ITPK1: variants seen among roughly 807,000 people sequenced by gnomAD.
ITPK1 encodes inositol-tetrakisphosphate 1-kinase, also known as inositol 1,3,4-trisphosphate 5/6-kinase.
Under a neutral mutation model 45.3 loss-of-function variants are expected in ITPK1, and 21 were observed. The ratio of observed to expected loss-of-function variants is 0.46; its 90% confidence interval spans 0.33 to 0.67. ITPK1 has a LOEUF of 0.67. Among genes scored for constraint, ITPK1 ranks in the 30% least tolerant of loss-of-function variants. ITPK1 has a pLI of 0.02. For missense variants in ITPK1, 474 were observed against 573.5 expected (o/e 0.83, Z 1.77); for synonymous variants, 258 against 253.6 (o/e 1.02, Z -0.16).
At chr14:93,026,736 A>C (rs1310430567) in intron 3 of ITPK1, among the ~76,000 whole-genome samples, 1 of 152,178 alleles carries the variant, frequency 6.6e-6, no homozygotes, top group Non-Finnish European at 1.5e-5. Context: ...TGAATCACTT[A>C]TGAAGATCCA....
In ITPK1 at chr14:92,977,945, G is replaced by A. The variant is rs140522946; in HGVS notation, c.365-15096C>T. 4.6e-5 allele frequency among the ~76,000 whole-genome samples: 7 copies of A among 152,062 alleles called. 1 individual carries two copies. Among genetic ancestry groups the A allele is most frequent in the Admixed American group, 1.3e-4 (2 of 15,288 alleles). ...GGAAGCAACTTTGGAACTAGATAACGGGCAGAGTTTGGAACAGTTTGGAGG... is the reference window on the plus strand; with the variant it reads ...GGAAGCAACTTTGGAACTAGATAACAGGCAGAGTTTGGAACAGTTTGGAGG... On this transcript the variant is annotated intron_variant, in intron 5 of 10. Transcript: ENST00000267615.
At position 92,958,105 on chromosome 14, in the gene ITPK1, G is replaced by A. The variant is rs1884840273; in HGVS notation, c.670+96C>T. 6.9e-6 allele frequency: 8 copies of A among 1,165,050 alleles called. No individual in the cohort carries two copies. Among genetic ancestry groups the A allele is most frequent in the Non-Finnish European group, 1.0e-5 (8 of 782,142 alleles). 72.2% of individuals were successfully genotyped at this position (1,165,050 alleles called of 1,614,324 possible). ...CTCTCCATCCCACCAAGAACACAGG[G>A]TGGTTGGGGCAGTGCCGAAGGACAG... On this transcript the variant is annotated intron_variant, in intron 8 of 10. Transcript: ENST00000267615. This position sits in a 1 kb window ranked among gnomAD's most constrained non-coding sequence, Gnocchi z 4.4.
In ITPK1 at chr14:93,076,402, C is replaced by A. The variant is rs551527415; in HGVS notation, c.120+193G>T. ...ACAAAGCCACAGCAACCCTCCAAACCCGAGAAGCCCCTGTCGGAGTCTGCC... is the reference window on the plus strand; with the variant it reads ...ACAAAGCCACAGCAACCCTCCAAACACGAGAAGCCCCTGTCGGAGTCTGCC... On this transcript the variant is annotated intron_variant, in intron 3 of 10. Transcript: ENST00000267615. This position sits in a 1 kb window ranked among gnomAD's most constrained non-coding sequence, Gnocchi z 4.3. 1.7e-4 allele frequency among the ~76,000 whole-genome samples: 26 copies of A among 152,220 alleles called. No individual in the cohort carries two copies. The South Asian group carries it at 4.6e-3, about 27-fold the overall frequency.
intron 3 of ITPK1, among the ~76,000 whole-genome samples, chr14:93,046,614 A>C (rs925774757): frequency 6.6e-6 from 1 of 150,838 alleles, no homozygotes; most frequent in African/African-American, 2.5e-5. Context: ...CGGCGGGGGG[A>C]ACACAAGCAA....
In ITPK1 at chr14:92,938,614, C is replaced by G; in HGVS notation, c.*2947G>C. ...CAGGCAGGCCCAGGCACAGGAAGCCCCATGGAACCTGCCAGGTTGCAGCTG... is the reference window on the plus strand; with the variant it reads ...CAGGCAGGCCCAGGCACAGGAAGCCGCATGGAACCTGCCAGGTTGCAGCTG... On this transcript the variant is annotated 3_prime_UTR_variant, in exon 11 of 11. Coordinates refer to ENST00000267615, the MANE Select transcript of ITPK1 (RefSeq NM_014216.6). 9.0e-7 allele frequency: 1 copy of G among 1,115,306 alleles called. No homozygotes were observed. The highest frequency in any genetic ancestry group is 1.3e-6 in the Non-Finnish European group (1 of 740,914). 69.1% of individuals were successfully genotyped at this position (1,115,306 alleles called of 1,614,324 possible).
chr14:92,975,043 A>C (rs1300079636), intron 5 of ITPK1, among the ~76,000 whole-genome samples: 3 of 152,180 alleles, frequency 2.0e-5, no homozygotes, highest in African/African-American at 7.2e-5. Context: ...GAGTGTTGGC[A>C]TGCCTCATGC....
At chr14:93,017,784 T>C (rs1213139045) in intron 3 of ITPK1, among the ~76,000 whole-genome samples, 3 of 152,230 alleles carry the variant, frequency 2.0e-5, no homozygotes, top group Non-Finnish European at 4.4e-5. Context: ...CTGACTGTTT[T>C]AAAAATGTTA....
chr14:92,950,469 G>C (rs1887906070), intron 9 of ITPK1, among the ~76,000 whole-genome samples: 1 of 152,274 alleles, frequency 6.6e-6, no homozygotes, highest in Non-Finnish European at 1.5e-5. Context: ...AGTCCTGGCA[G>C]ATTCCTGACT....
intron 2 of ITPK1, among the ~76,000 whole-genome samples, chr14:93,106,222 G>A (rs1726693843): frequency 6.8e-6 from 1 of 147,630 alleles, no homozygotes; most frequent in Non-Finnish European, 1.5e-5. Flanking sequence ...AGAACACAAA[G>A]GCTGGACTGA....
rs1051475000 is a variant in ITPK1 at position 92,940,585 on chromosome 14, C to T, written c.*976G>A. 2 of 1,191,002 alleles carry T rather than the reference C, an allele frequency of 1.7e-6. No homozygotes were observed. Among genetic ancestry groups the T allele is most frequent in the Admixed American group, 3.5e-5 (1 of 28,694 alleles). 73.8% of individuals were successfully genotyped at this position (1,191,002 alleles called of 1,614,324 possible). ...CCACTGGGAAGAGGGCCCCGATCTC[C>T]ATGGTGTCATGCCGAGGCTCCCGCG... On this transcript the variant is annotated 3_prime_UTR_variant, in exon 11 of 11. Transcript: ENST00000267615.
chr14:92,994,039 G>A (rs1318999440), intron 4 of ITPK1, 42 bp from the exon 5 acceptor site: 5 of 1,344,826 alleles, frequency 3.7e-6, no homozygotes, highest in African/African-American at 1.4e-5. Flanking sequence ...CAGGGGTAGG[G>A]CCAGGTAGCA....
At chr14:92,952,704 C>A (rs1888015738) in intron 8 of ITPK1, among the ~76,000 whole-genome samples, 1 of 152,224 alleles carries the variant, frequency 6.6e-6, no homozygotes, top group African/African-American at 2.4e-5. Context: ...CCCGTACAGG[C>A]CCACTGGGGA....
intron 5 of ITPK1, among the ~76,000 whole-genome samples, chr14:92,989,599 C>T (rs1410850065): frequency 1.3e-5 from 2 of 152,188 alleles, no homozygotes; most frequent in Non-Finnish European, 2.9e-5. Flanking sequence ...ATCTCTGGAC[C>T]CTGGCCCTGG....
intron 3 of ITPK1, chr14:93,070,571 T>C (rs1452097096): frequency 6.6e-6 from 1 of 152,262 alleles, no homozygotes; most frequent in East Asian, 1.9e-4. Flanking sequence ...AGGAACTGGG[T>C]TGAGCTCTGT....
At chr14:93,080,909 T>C in intron 2 of ITPK1, among the ~76,000 whole-genome samples, 1 of 152,094 alleles carries the variant, frequency 6.6e-6, no homozygotes, top group East Asian at 1.9e-4. Flanking sequence ...CCAATTTTTG[T>C]ATTTTTAGTA....
chr14:93,096,134 C>G (rs1463867007), intron 2 of ITPK1, among the ~76,000 whole-genome samples: 1 of 152,168 alleles, frequency 6.6e-6, no homozygotes, highest in Non-Finnish European at 1.5e-5. Context: ...AGCTCACCAA[C>G]ACACCAAGCT....
intron 3 of ITPK1, among the ~76,000 whole-genome samples, chr14:93,043,558 T>G (rs1889653330): frequency 6.6e-6 from 1 of 151,834 alleles, no homozygotes; most frequent in Non-Finnish European, 1.5e-5. Context: ...GCAGCCTCCC[T>G]GCCCCGCCCA....
At chr14:92,961,561 T>C (rs1217174059) in intron 7 of ITPK1, among the ~76,000 whole-genome samples, 1 of 152,220 alleles carries the variant, frequency 6.6e-6, no homozygotes, top group Non-Finnish European at 1.5e-5. Context: ...CAGACCCCTG[T>C]GGCAGTGACA....
intron 4 of ITPK1, among the ~76,000 whole-genome samples, chr14:93,000,997 A>T (rs1566726482): frequency 7.2e-6 from 1 of 138,218 alleles, no homozygotes. Flanking sequence ...AAAAAAAAAA[A>T]GGCTGGGCAC....
Sources: allele counts gnomAD v4.1 joint callset (sites outside exome capture counted in the v4.1 genomes callset), GRCh38; gene constraint gnomAD v4.1.1; non-coding constraint Gnocchi (gnomAD v3.1); transcripts MANE v1.5; gene names NCBI Gene and HGNC (gene_info 2026-07-23, HGNC 2026-07-21).